The following IRAK1BP1 variants were observed in gnomAD, a reference collection of about 807,000 sequenced individuals.
IRAK1BP1 encodes interleukin 1 receptor associated kinase 1 binding protein 1.
In IRAK1BP1, 24 loss-of-function variants were observed where a neutral mutation model predicts 28.0. The observed-to-expected ratio is 0.86, with a 90% confidence interval of 0.62 to 1.20. The LOEUF is 1.20. IRAK1BP1 is among the 50% of genes most tolerant of loss of function. The pLI is 0.00. For synonymous variants in IRAK1BP1, 131 were observed against 116.3 expected (o/e 1.13, Z -0.81); for missense variants, 336 against 316.7 (o/e 1.06, Z -0.46).
chr6:78,929,969 C>G (rs908975224), intron 4 of IRAK1BP1, among the ~76,000 whole-genome samples: 3 of 152,082 alleles, frequency 2.0e-5, no homozygotes, highest in African/African-American at 4.8e-5. Flanking sequence ...CAGGCTCTCC[C>G]TCTGTCACTC....
intron 4 of IRAK1BP1, among the ~76,000 whole-genome samples, chr6:78,925,086 G>A (rs556812756): frequency 1.9e-4 from 29 of 151,634 alleles, no homozygotes; most frequent in African/African-American, 6.8e-4. Flanking sequence ...AACCAAACAC[G>A]CACGTTCTCA....
At chr6:78,966,195 A>G in the IRAK1BP1 span, 1 of 596,448 alleles carries the variant, frequency 1.7e-6, no homozygotes, top group Non-Finnish European at 3.0e-6. Flanking sequence ...CTCCAAAAAT[A>G]AGTAAGTACA....
intron 1 of IRAK1BP1, among the ~76,000 whole-genome samples, chr6:78,878,432 G>A (rs577140826): frequency 6.6e-6 from 1 of 152,144 alleles, no homozygotes; most frequent in Non-Finnish European, 1.5e-5. Context: ...TGCAGCTAAG[G>A]GTCCTGACTG....
chr6:78,870,611 G>A (rs1206974012), intron 1 of IRAK1BP1, among the ~76,000 whole-genome samples: 1 of 152,148 alleles, frequency 6.6e-6, no homozygotes, highest in Non-Finnish European at 1.5e-5. Context: ...CTTACTTCTA[G>A]CGTGGTTTTC....
At chr6:78,889,279 A>G (rs1037110791) in intron 2 of IRAK1BP1, among the ~76,000 whole-genome samples, 2 of 152,104 alleles carry the variant, frequency 1.3e-5, no homozygotes, top group Non-Finnish European at 2.9e-5. Context: ...TAAACTCAAG[A>G]TGGGTTAAAG....
intron 1 of IRAK1BP1, among the ~76,000 whole-genome samples, chr6:78,877,776 C>G (rs867466487): frequency 6.6e-6 from 1 of 152,164 alleles, no homozygotes; most frequent in African/African-American, 2.4e-5. Flanking sequence ...CCTGGAAAAT[C>G]GGGTCACTCC....
intron 1 of IRAK1BP1, among the ~76,000 whole-genome samples, chr6:78,877,260 T>A (rs978045254): frequency 2.0e-5 from 3 of 152,192 alleles, no homozygotes; most frequent in African/African-American, 7.2e-5. Flanking sequence ...TTAGTTTCTG[T>A]TAGAAACTTT....
intron 2 of IRAK1BP1, among the ~76,000 whole-genome samples, chr6:78,886,721 A>G (rs1183039165): frequency 6.6e-6 from 1 of 152,214 alleles, no homozygotes; most frequent in East Asian, 1.9e-4. Flanking sequence ...CTTCATGGAA[A>G]ACTGGAATGT....
At chr6:78,946,656 A>G, downstream of IRAK1BP1, 3 of 1,478,826 alleles carry the variant, frequency 2.0e-6, no homozygotes, top group Non-Finnish European at 2.7e-6. Flanking sequence ...ACCAAGTTCT[A>G]TCATTTAGAT....
At chr6:78,888,076 T>TA (rs1345240181) in intron 2 of IRAK1BP1, among the ~76,000 whole-genome samples, 2 of 152,212 alleles carry the variant, frequency 1.3e-5, no homozygotes, top group Non-Finnish European at 2.9e-5. Context: ...TGCAAGACAT[T>TA]ATGTTAAGAG....
At chr6:78,885,634 A>G (rs925330533) in intron 2 of IRAK1BP1, among the ~76,000 whole-genome samples, 191 bp downstream of exon 2, 2 of 152,180 alleles carry the variant, frequency 1.3e-5, no homozygotes, top group African/African-American at 2.4e-5. Context: ...AAAGTTTAAA[A>G]TGGAATAAAA....
At chr6:78,962,203 A>G in the IRAK1BP1 span, among the ~76,000 whole-genome samples, 2 of 152,148 alleles carry the variant, frequency 1.3e-5, no homozygotes, top group Admixed American at 1.3e-4. Context: ...TCTCAAACGT[A>G]TCCCTTTATC....
At chr6:78,876,427 G>T (rs1368334605) in intron 1 of IRAK1BP1, among the ~76,000 whole-genome samples, 1 of 152,126 alleles carries the variant, frequency 6.6e-6, no homozygotes, top group African/African-American at 2.4e-5. Context: ...TTCCTGTCTT[G>T]ACCATTTTGT....
At chr6:78,950,949 TCTC>T (rs1391361084), downstream of IRAK1BP1, among the ~76,000 whole-genome samples, 2 of 152,152 alleles carry the variant, frequency 1.3e-5, no homozygotes, top group African/African-American at 2.4e-5. Flanking sequence ...ATTTGAAACT[TCTC>T]CTTTTCTGCT....
exon 5 of IRAK1BP1, chr6:78,945,518 T>G: frequency 6.9e-7 from 1 of 1,457,500 alleles, no homozygotes; most frequent in Non-Finnish European, 9.5e-7. Flanking sequence ...CAAACAAAAT[T>G]TAAAAATTAA....
intron 4 of IRAK1BP1, chr6:78,937,211 T>G (rs1773303349): frequency 6.6e-6 from 1 of 151,720 alleles, no homozygotes; most frequent in Non-Finnish European, 1.5e-5. Context: ...TTTCATTAGA[T>G]AGAAAACTGA....
At chr6:78,937,491 G>A (rs1262091155) in intron 4 of IRAK1BP1, 1 of 151,612 alleles carries the variant, frequency 6.6e-6, no homozygotes, top group African/African-American at 2.4e-5. Context: ...TCTGATTACT[G>A]TATCTTATGT....
At chr6:78,883,860 G>A (rs556396263) in intron 1 of IRAK1BP1, among the ~76,000 whole-genome samples, 3 of 152,046 alleles carry the variant, frequency 2.0e-5, no homozygotes, top group Non-Finnish European at 2.9e-5. Context: ...GTGTGTATCC[G>A]TACTGTATGT....
chr6:78,947,469 G>A (rs2127683463), downstream of IRAK1BP1, among the ~76,000 whole-genome samples: 1 of 152,280 alleles, frequency 6.6e-6, no homozygotes, highest in African/African-American at 2.4e-5. Flanking sequence ...AAGGAGCTGA[G>A]TAGAAAGGTA....
Sources: gnomAD v4.1 joint callset for allele counts (sites outside exome capture counted in the v4.1 genomes callset) on GRCh38, gnomAD v4.1.1 for gene constraint, MANE v1.5 for transcripts, NCBI Gene and HGNC (gene_info 2026-07-23, HGNC 2026-07-21) for gene names.